Variants in SAMD12 observed in about 807,000 individuals in gnomAD.
SAMD12 encodes sterile alpha motif domain containing 12.
SAMD12 carries 9 observed loss-of-function variants against 15.0 expected under a neutral mutation model. The ratio of observed to expected loss-of-function variants is 0.60; its 90% CI spans 0.36 to 1.05. The LOEUF (loss-of-function observed/expected upper bound fraction) is 1.05. SAMD12 is among the 50% of genes least tolerant of loss of function. The pLI is 0.01. For missense variants in SAMD12, 230 were observed against 234.2 expected, an observed-to-expected ratio of 0.98 and a Z score of 0.12; for synonymous variants, 86 against 90.1, an observed-to-expected ratio of 0.96 and a Z score of 0.25.
intron 4 of SAMD12, among the ~76,000 whole-genome samples, chr8:118,211,402 G>A (rs1372249039): frequency 6.6e-6 from 1 of 152,186 alleles, no homozygotes; most frequent in African/African-American, 2.4e-5. Context: ...TGTCCACAGT[G>A]GCCCTCCAAT....
chr8:118,309,632 C>T (rs1027595742), intron 4 of SAMD12, among the ~76,000 whole-genome samples: 4 of 152,110 alleles, frequency 2.6e-5, no homozygotes, highest in African/African-American at 7.2e-5. Context: ...GTTCTTTTTT[C>T]AGACTTGAAT....
At chr8:118,451,256 G>A (rs757860947) in intron 2 of SAMD12, among the ~76,000 whole-genome samples, 3 of 152,156 alleles carry the variant, frequency 2.0e-5, no homozygotes, top group African/African-American at 4.8e-5. Context: ...TTAGAGATGC[G>A]AGCTATCTTA....
intron 2 of SAMD12, among the ~76,000 whole-genome samples, chr8:118,477,341 C>T (rs1823988794): frequency 1.3e-5 from 2 of 152,244 alleles, no homozygotes; most frequent in African/African-American, 2.4e-5. Flanking sequence ...GCTGGGATTA[C>T]AGGCAAGAGC....
exon 5 of SAMD12, chr8:118,194,411 C>T (rs927129715): frequency 6.6e-6 from 1 of 152,128 alleles, no homozygotes; most frequent in African/African-American, 2.4e-5. Flanking sequence ...AGGTACGTCT[C>T]AAACTATTGA....
At chr8:118,197,892 A>G (rs963162216) in intron 4 of SAMD12, among the ~76,000 whole-genome samples, 5 of 152,256 alleles carry the variant, frequency 3.3e-5, no homozygotes, top group African/African-American at 1.2e-4. Flanking sequence ...ATGGATTTAC[A>G]GTGGCTTATA....
At chr8:118,304,716 T>C (rs7837752) in intron 4 of SAMD12, among the ~76,000 whole-genome samples, 72,474 of 149,240 alleles carry the variant, frequency 0.49, 19,925 homozygotes, top group African/African-American at 0.77. Flanking sequence ...GCTGAGATTG[T>C]GCCACTGCAC....
At chr8:118,222,663 G>T (rs1334360596) in intron 4 of SAMD12, among the ~76,000 whole-genome samples, 1 of 151,998 alleles carries the variant, frequency 6.6e-6, no homozygotes, top group African/African-American at 2.4e-5. Context: ...GTGCCATCAT[G>T]CCAGGCTAAT....
At chr8:118,578,563 A>G (rs1827207493) in intron 2 of SAMD12, among the ~76,000 whole-genome samples, 1 of 152,168 alleles carries the variant, frequency 6.6e-6, no homozygotes, top group Admixed American at 6.6e-5. Flanking sequence ...AAGAAAAGAG[A>G]AGACGGCTTA....
chr8:118,420,038 T>C (rs1190895277), intron 3 of SAMD12, among the ~76,000 whole-genome samples: 1 of 152,208 alleles, frequency 6.6e-6, no homozygotes, highest in East Asian at 1.9e-4. Context: ...GAAATTACAC[T>C]GCCCTCAAGG....
chr8:118,606,521 G>T (rs189278479), intron 1 of SAMD12, among the ~76,000 whole-genome samples: 1 of 151,832 alleles, frequency 6.6e-6, no homozygotes, highest in East Asian at 1.9e-4. Context: ...ATGGCCCTGG[G>T]GTGAACCCCA....
chr8:118,551,488 G>C lies in SAMD12; in HGVS notation c.192+29227C>G, dbSNP rs563603491. Among the ~76,000 whole-genome samples the C allele has an allele frequency of 7.2e-5, 11 of 151,948 alleles. No homozygotes were observed. In the South Asian group the frequency reaches 8.3e-4, roughly 12 times the overall value. On this transcript the variant is annotated intron_variant, in intron 2 of 3. Coordinates refer to ENST00000314727, the MANE Select transcript of SAMD12 (RefSeq NM_207506.3). ...GTTCTTTGAAACCAACGAGAACAAA[G>C]ACACAACATACCAGAATCTCTGGGA... is the stretch of plus-strand genomic sequence containing the variant.
At chr8:118,283,060 TC>T (rs922771980) in intron 4 of SAMD12, among the ~76,000 whole-genome samples, 2 of 152,268 alleles carry the variant, frequency 1.3e-5, no homozygotes, top group South Asian at 2.1e-4. Flanking sequence ...ATGTGGAATT[TC>T]ACATGATCTC....
chr8:118,174,921 T>G, the SAMD12 span, among the ~76,000 whole-genome samples: 1 of 151,698 alleles, frequency 6.6e-6, no homozygotes, highest in Admixed American at 6.6e-5. Flanking sequence ...ATAAATATCA[T>G]GGAATTTTAT....
intron 2 of SAMD12, among the ~76,000 whole-genome samples, chr8:118,507,015 C>T (rs1022805365): frequency 3.9e-5 from 6 of 152,022 alleles, no homozygotes; most frequent in South Asian, 2.1e-4. Context: ...TTTTCCATGG[C>T]TTAGAGACCA....
chr8:118,617,383 C>T (rs1828264870), intron 1 of SAMD12, among the ~76,000 whole-genome samples: 2 of 152,208 alleles, frequency 1.3e-5, no homozygotes, highest in South Asian at 4.1e-4. Context: ...TTTCTTCACT[C>T]TTCTACAGGA....
intron 4 of SAMD12, among the ~76,000 whole-genome samples, chr8:118,203,050 T>C (rs779391472): frequency 2.4e-4 from 37 of 152,228 alleles, no homozygotes; most frequent in Non-Finnish European, 4.0e-4. Context: ...ACAGCCACAG[T>C]GCTAGAATGC....
At chr8:118,236,836 C>T (rs758873094) in intron 4 of SAMD12, among the ~76,000 whole-genome samples, 9 of 152,128 alleles carry the variant, frequency 5.9e-5, no homozygotes, top group Admixed American at 2.6e-4. Context: ...ACTCGCAGCA[C>T]GGCACTATTA....
At chr8:118,588,137 C>G (rs1827497649) in intron 1 of SAMD12, among the ~76,000 whole-genome samples, 2 of 152,104 alleles carry the variant, frequency 1.3e-5, no homozygotes, top group African/African-American at 4.8e-5. Context: ...AGCTGGGGTC[C>G]TAAGGTACCC....
At chr8:118,200,211 C>CTGGTATGTCTTTAACA (rs1294035749) in intron 4 of SAMD12, among the ~76,000 whole-genome samples, 1 of 152,002 alleles carries the variant, frequency 6.6e-6, no homozygotes, top group African/African-American at 2.4e-5. Flanking sequence ...TTTACCCAGT[C>CTGGTATGTCTTTAACA]TGGTATGTCT....
Sources: gnomAD v4.1 joint callset for allele counts (sites outside exome capture counted in the v4.1 genomes callset) on GRCh38, gnomAD v4.1.1 for gene constraint, MANE v1.5 for transcripts, NCBI Gene and HGNC (gene_info 2026-07-23, HGNC 2026-07-21) for gene names.